SRP68: variants seen among roughly 807,000 people sequenced by gnomAD.
SRP68 encodes signal recognition particle subunit SRP68.
A neutral mutation model predicts 82.2 loss-of-function variants in SRP68; 15 were observed. The ratio of observed to expected loss-of-function variants is 0.18; its 90% CI spans 0.12 to 0.28. The LOEUF (loss-of-function observed/expected upper bound fraction) is 0.28. SRP68 is among the 10% of genes least tolerant of loss of function. The pLI, the probability that SRP68 is intolerant of heterozygous loss-of-function variation, is 1.00. For synonymous variants in SRP68, 261 were observed against 292.6 expected, an observed-to-expected ratio of 0.89 and a Z score of 1.10; for missense variants, 595 against 780.5, an observed-to-expected ratio of 0.76 and a Z score of 2.83.
intron 15 of SRP68, 49 bp from the exon 16 acceptor site, chr17:76,039,982 C>T (rs1567924357): frequency 6.3e-7 from 1 of 1,576,894 alleles, no homozygotes. Context: ...ACAGAACACC[C>T]TTGGTGAACA....
chr17:76,066,514 T>C (rs747070008), intron 3 of SRP68, among the ~76,000 whole-genome samples: 23 of 151,824 alleles, frequency 1.5e-4, no homozygotes, highest in Non-Finnish European at 3.1e-4. Context: ...TATATGCATC[T>C]AGTTTCAGAC....
Position 76,064,013 on chromosome 17 carries a change from C to T in SRP68, c.524G>A (p.Ser175Asn), listed in dbSNP as rs763278696. ...TTTGGTCTTGGCATCCACGCGATTGCTCTCACACAAGCGTTCCAATTCCTC... is the reference window on the plus strand; with the variant it reads ...TTTGGTCTTGGCATCCACGCGATTGTTCTCACACAAGCGTTCCAATTCCTC... ...HAEELERLCE[S>N]NRVDAKTKLE... is the part of the protein sequence containing the mutation. Residue 175 changes from serine to asparagine, a missense_variant, in exon 4 of 16, where the codon AGC (serine) becomes AAC (asparagine). Coordinates refer to ENST00000307877, the MANE Select transcript of SRP68 (RefSeq NM_014230.4). 2 of 1,614,168 alleles carry T rather than the reference C, an allele frequency of 1.2e-6. No homozygotes were observed. The highest frequency in any genetic ancestry group is 4.5e-5 in the East Asian group (2 of 44,884).
At chr17:76,047,112 G>A (rs1438764823) in intron 10 of SRP68, among the ~76,000 whole-genome samples, 1 of 152,182 alleles carries the variant, frequency 6.6e-6, no homozygotes, top group African/African-American at 2.4e-5. Context: ...CACTGGTTGT[G>A]TTCTCGTTTT....
chr17:76,068,694 T>C (rs2066826073), intron 2 of SRP68, among the ~76,000 whole-genome samples: 1 of 152,170 alleles, frequency 6.6e-6, no homozygotes, highest in African/African-American at 2.4e-5. Context: ...TATTCTTCCT[T>C]CTATTACAGT....
intron 5 of SRP68, 26 bp downstream of exon 5, chr17:76,061,466 C>T (rs1434114698): frequency 6.3e-7 from 1 of 1,597,572 alleles, no homozygotes; most frequent in Admixed American, 1.7e-5. Context: ...TAAAACTGGC[C>T]ACAGCCTTTG....
rs559165582 is a variant in SRP68 at position 76,043,630 on chromosome 17, T to C, written c.1524+199A>G. On this transcript the variant is annotated intron_variant, in intron 13 of 15. Transcript: ENST00000307877. ...AAAAATGCCTTCCCTTCTTCATACC[T>C]AAATCCTCCTCAGGCCTGGAGCACA... 77 of 400,032 alleles carry C rather than the reference T, an allele frequency of 1.9e-4. 1 individual carries two copies. Among genetic ancestry groups the C allele is most frequent in the Middle Eastern group, 6.4e-4 (1 of 1,552 alleles). The allele number at this position is 400,032 out of a possible 1,614,324, so 24.8% of individuals were successfully genotyped here.
At chr17:76,046,491 A>G (rs2066632824) in intron 10 of SRP68, among the ~76,000 whole-genome samples, 1 of 151,882 alleles carries the variant, frequency 6.6e-6, no homozygotes, top group African/African-American at 2.4e-5. Context: ...AAAACAAAAA[A>G]CAGAGAGTGG....
intron 12 of SRP68, 121 bp downstream of exon 12, chr17:76,045,171 C>G (rs1480935889): frequency 4.1e-6 from 3 of 736,890 alleles, no homozygotes; most frequent in Non-Finnish European, 7.0e-6. Flanking sequence ...TTCCTCTGAT[C>G]ACAGGCAAGG....
chr17:76,061,184 T>C lies in SRP68; in HGVS notation c.680A>G (p.Glu227Gly), dbSNP rs1435528649. 3 of 1,613,834 alleles carry C rather than the reference T, an allele frequency of 1.9e-6. No homozygotes were observed. The highest frequency in any genetic ancestry group is 2.5e-6 in the Non-Finnish European group (3 of 1,179,850). The change falls in exon 6 of 16, where the codon GAG becomes GGG. Residue 227 changes from glutamate to glycine, a missense_variant. By Grantham distance (98) the Glu-to-Gly change is moderately conservative. This residue lies in a region of SRP68 where 495 missense variants were observed against 688.6 expected (regional missense o/e 0.72). Transcript: ENST00000307877. Reference protein sequence around the residue: ...IYEKLASAFTEEQAVLYNQRV... With the variant: ...IYEKLASAFTGEQAVLYNQRV... ...TTGGTTATACAGCACAGCCTGCTCC[T>C]CTGTGAAAGCACTGGCTAGCTTCTC... is the stretch of plus-strand genomic sequence containing the variant.
chr17:76,041,045 C>T (rs1422240745), intron 13 of SRP68, 67 bp from the exon 14 acceptor site: 6 of 1,265,946 alleles, frequency 4.7e-6, no homozygotes, highest in African/African-American at 2.9e-5. Flanking sequence ...CAAGCTAACC[C>T]GAGTTAACCG....
At chr17:76,060,799 T>G in intron 6 of SRP68, 1 of 354,484 alleles carries the variant, frequency 2.8e-6, no homozygotes, top group South Asian at 4.2e-5. Context: ...TCTCTGTATC[T>G]TTCTCTCAGC....
rs948720776 is a variant in SRP68, at chr17:76,039,597, T to C, written c.*109A>G. The C allele has an allele frequency of 9.3e-7, 1 of 1,079,658 alleles. No homozygotes were observed. Among genetic ancestry groups the C allele is most frequent in the South Asian group, 1.5e-5 (1 of 65,604 alleles). 66.9% of individuals were successfully genotyped at this position (1,079,658 alleles called of 1,614,324 possible). On this transcript the variant is annotated 3_prime_UTR_variant, in exon 16 of 16. Transcript: ENST00000307877. ...ATGCAGGGCCGAAGATGTTAAACTC[T>C]TGCCCCGGGCCAATGCAGACCTGGA...
At chr17:76,057,795 C>T (rs2066722958) in intron 7 of SRP68, among the ~76,000 whole-genome samples, 1 of 151,982 alleles carries the variant, frequency 6.6e-6, no homozygotes, top group African/African-American at 2.4e-5. Flanking sequence ...GTGCCTTAGC[C>T]TCCTGAGAAG....
At chr17:76,046,401 T>C (rs752781767) in intron 10 of SRP68, among the ~76,000 whole-genome samples, 26 of 149,176 alleles carry the variant, frequency 1.7e-4, no homozygotes, top group Non-Finnish European at 3.3e-4. Flanking sequence ...TGAGATCTTA[T>C]CACAAAATTT....
chr17:76,058,206 T>C (rs1473072273), intron 7 of SRP68, among the ~76,000 whole-genome samples: 1 of 151,780 alleles, frequency 6.6e-6, no homozygotes, highest in Non-Finnish European at 1.5e-5. Flanking sequence ...CAGGCTGGAA[T>C]GCAATGGTAT....
At chr17:76,055,453 ATCT>A (rs1220087129) in intron 8 of SRP68, among the ~76,000 whole-genome samples, 3 of 151,734 alleles carry the variant, frequency 2.0e-5, no homozygotes, top group African/African-American at 4.8e-5. Flanking sequence ...TTCCAGGCTG[ATCT>A]TCTTAAAACA....
At position 76,061,556 on chromosome 17, in the gene SRP68, A is replaced by C; in HGVS notation, c.580T>G (p.Ser194Ala). The stretch of plus-strand genomic sequence containing the variant: ...TGATGTTCAAAACGTAGCATTCCTG[A>C]GAGGTAAGCTGTGTAAGCCTGTGAG... ...LEAQAYTAYLSGMLRFEHQEW... is the reference protein window; with the variant it reads ...LEAQAYTAYLAGMLRFEHQEW... The change falls in exon 5 of 16, where the codon TCA becomes GCA. Residue 194 changes from serine (S) to alanine (A), a missense_variant. Ser to Ala is a moderately conservative substitution (Grantham distance 99, BLOSUM62 1). Coordinates refer to ENST00000307877, the MANE Select transcript of SRP68 (RefSeq NM_014230.4). 1 of 1,614,038 alleles carries C rather than the reference A, an allele frequency of 6.2e-7. No homozygotes were observed. Among genetic ancestry groups the C allele is most frequent in the Non-Finnish European group, 8.5e-7 (1 of 1,179,936 alleles).
intron 8 of SRP68, among the ~76,000 whole-genome samples, chr17:76,054,235 C>T (rs1286974411): frequency 2.6e-5 from 4 of 152,108 alleles, no homozygotes. Context: ...GAGGTACAGA[C>T]CTCCCGCTTT....
In SRP68 at chr17:76,063,976, C is replaced by G; in HGVS notation, c.561G>C (p.Gln187His). 1.2e-6 allele frequency: 2 copies of G among 1,613,024 alleles called. No individual in the cohort carries two copies. Among genetic ancestry groups the G allele is most frequent in the Non-Finnish European group, 1.7e-6 (2 of 1,179,176 alleles). The change falls in exon 4 of 16, where the codon CAG (glutamine) becomes CAC (histidine). Residue 187 changes from glutamine (Q) to histidine (H), a missense_variant and splice_region_variant. By Grantham distance (24) the Gln-to-His change is conservative. Coordinates refer to ENST00000307877, the MANE Select transcript of SRP68 (RefSeq NM_014230.4). ...ACAAGCTGAATGTTGAGGTACTAAC[C>G]TGAGCCTCTAATTTGGTCTTGGCAT... is the stretch of plus-strand genomic sequence containing the variant. ...RVDAKTKLEAQAYTAYLSGML... is the reference protein window; with the variant it reads ...RVDAKTKLEAHAYTAYLSGML...
Sources: allele counts gnomAD v4.1 joint callset (sites outside exome capture counted in the v4.1 genomes callset), GRCh38; gene constraint gnomAD v4.1.1; regional missense constraint gnomAD v4.1.1; transcripts MANE v1.5; gene names NCBI Gene and HGNC (gene_info 2026-07-23, HGNC 2026-07-21).